The following FER variants were observed in gnomAD, a reference collection of about 807,000 sequenced individuals.
FER encodes the protein FER tyrosine kinase.
FER carries 63 observed loss-of-function variants against 111.0 expected under a neutral mutation model. The ratio of observed to expected loss-of-function variants is 0.57; its 90% CI spans 0.46 to 0.70. FER has a LOEUF of 0.70. Ranked by LOEUF, FER falls within the 30% of genes least tolerant of loss-of-function variation. The pLI is 0.00. For missense variants in FER, 914 were observed against 954.0 expected, an observed-to-expected ratio of 0.96 and a Z score of 0.55; for synonymous variants, 327 against 313.9, an observed-to-expected ratio of 1.04 and a Z score of -0.44.
chr5:108,868,691 A>G (rs1764315912), intron 6 of FER, among the ~76,000 whole-genome samples: 2 of 152,100 alleles, frequency 1.3e-5, no homozygotes, highest in Admixed American at 6.6e-5. Flanking sequence ...TAGTAATGGA[A>G]GAGCATTAGA....
chr5:109,180,118 T>G (rs1758133474), intron 17 of FER, among the ~76,000 whole-genome samples: 1 of 152,042 alleles, frequency 6.6e-6, no homozygotes. Context: ...AAGCCCAGTA[T>G]GGATGGGATA....
At chr5:108,753,964 A>G (rs1750785549) in intron 1 of FER, among the ~76,000 whole-genome samples, 1 of 152,166 alleles carries the variant, frequency 6.6e-6, no homozygotes, top group Non-Finnish European at 1.5e-5. Flanking sequence ...ATTTACATGT[A>G]TGACATATTC....
intron 10 of FER, among the ~76,000 whole-genome samples, chr5:108,916,082 G>C (rs79576178): frequency 0.073 from 11,124 of 152,030 alleles, 650 homozygotes; most frequent in African/African-American, 0.16. Flanking sequence ...GCTGTACAAG[G>C]TAAGAATTCA....
At chr5:109,134,587 T>C (rs747769880) in intron 17 of FER, among the ~76,000 whole-genome samples, 2 of 152,160 alleles carry the variant, frequency 1.3e-5, no homozygotes, top group Non-Finnish European at 2.9e-5. Context: ...CAGATTTAAC[T>C]TGGGTAATTG....
rs200116493 is a variant in FER at position 108,832,878 on chromosome 5, G to T, written c.316G>T (p.Asp106Tyr). Residue 106 changes from aspartate to tyrosine, a missense_variant, in exon 4 of 20, where the codon GAC (aspartate) becomes TAC (tyrosine). Asp to Tyr is a radical substitution (Grantham distance 160, BLOSUM62 -3). This residue lies in a region of FER where 774 missense variants were observed against 782.6 expected (regional missense o/e 0.99). Transcript: ENST00000281092. ...PLHRLTMMIK[D>Y]KQQVKKSYIG... ...ACACAGGCTCACCATGATGATTAAGGACAAGCAGCAGGTGAAGAAAAGTTA... is the reference window on the plus strand; with the variant it reads ...ACACAGGCTCACCATGATGATTAAGTACAAGCAGCAGGTGAAGAAAAGTTA... The T allele has an allele frequency of 1.1e-4, 179 of 1,607,430 alleles. No homozygotes were observed. The highest frequency in any genetic ancestry group is 7.1e-5 in the Non-Finnish European group (84 of 1,176,234).
At chr5:109,116,329 T>C (rs560284268) in intron 17 of FER, among the ~76,000 whole-genome samples, 12 of 152,050 alleles carry the variant, frequency 7.9e-5, no homozygotes, top group Admixed American at 1.3e-4. Flanking sequence ...AAGAATTATT[T>C]TATCTATAGT....
intron 17 of FER, among the ~76,000 whole-genome samples, chr5:109,122,892 GT>G: frequency 6.6e-6 from 1 of 151,796 alleles, no homozygotes; most frequent in East Asian, 1.9e-4. Context: ...ACCTTTGCTC[GT>G]TTTTGGTTTC....
chr5:108,913,808 A>G (rs1445950090), intron 10 of FER, among the ~76,000 whole-genome samples: 3 of 152,186 alleles, frequency 2.0e-5, no homozygotes, highest in South Asian at 4.1e-4. Flanking sequence ...CCAATGGGAT[A>G]CTCCGCAGTA....
At chr5:109,071,710 CG>C (rs937462364) in intron 16 of FER, among the ~76,000 whole-genome samples, 1 of 151,502 alleles carries the variant, frequency 6.6e-6, no homozygotes, top group African/African-American at 2.4e-5. Context: ...GAAGAGGACA[CG>C]GGGAATTTTT....
At chr5:109,067,249 TTGTTGTTGTTGTTGC>T (rs1481761047) in intron 16 of FER, among the ~76,000 whole-genome samples, 3 of 151,850 alleles carry the variant, frequency 2.0e-5, no homozygotes, top group East Asian at 3.9e-4. Context: ...GTTGTTGTTG[TTGTTGTTGTTGTTGC>T]TGTTGCTGCT....
chr5:108,868,166 G>T (rs1302988286), intron 6 of FER, among the ~76,000 whole-genome samples: 1 of 151,702 alleles, frequency 6.6e-6, no homozygotes. Flanking sequence ...TCCTTCTTTT[G>T]TATGTTTTTG....
intron 1 of FER, among the ~76,000 whole-genome samples, chr5:108,761,500 A>C (rs1282669217): frequency 6.6e-6 from 1 of 152,140 alleles, no homozygotes; most frequent in East Asian, 1.9e-4. Context: ...TTGGTGCCCC[A>C]AAACAATTAA....
intron 5 of FER, among the ~76,000 whole-genome samples, chr5:108,843,505 A>G (rs947506183): frequency 6.6e-6 from 1 of 151,304 alleles, no homozygotes; most frequent in South Asian, 2.1e-4. Context: ...TGTGGACCCT[A>G]CCTTCAAGCC....
intron 3 of FER, among the ~76,000 whole-genome samples, chr5:108,813,703 C>T (rs1197309664): frequency 6.6e-6 from 1 of 152,094 alleles, no homozygotes; most frequent in African/African-American, 2.4e-5. Context: ...TTACTTCCAA[C>T]TTCCTTTCGT....
chr5:109,079,641 T>C (rs1191659918), intron 16 of FER, among the ~76,000 whole-genome samples: 1 of 152,080 alleles, frequency 6.6e-6, no homozygotes, highest in Non-Finnish European at 1.5e-5. Context: ...CACATGTCAG[T>C]GTAGATGCCA....
At chr5:109,093,722 A>C (rs1297040734) in intron 16 of FER, among the ~76,000 whole-genome samples, 1 of 152,150 alleles carries the variant, frequency 6.6e-6, no homozygotes, top group East Asian at 1.9e-4. Context: ...CATCTCTTTT[A>C]AAAATGTAAG....
chr5:109,139,989 C>T (rs1753351748), intron 17 of FER, among the ~76,000 whole-genome samples: 1 of 152,148 alleles, frequency 6.6e-6, no homozygotes, highest in East Asian at 1.9e-4. Flanking sequence ...AAAGCATTTT[C>T]CTGTGATTCC....
chr5:109,140,245 T>C (rs1044110079), intron 17 of FER, among the ~76,000 whole-genome samples: 1 of 152,216 alleles, frequency 6.6e-6, no homozygotes, highest in Non-Finnish European at 1.5e-5. Flanking sequence ...GAATTTTACC[T>C]GTACTAAACT....
chr5:108,774,160 T>G (rs922502080), intron 2 of FER, among the ~76,000 whole-genome samples: 1 of 152,146 alleles, frequency 6.6e-6, no homozygotes, highest in African/African-American at 2.4e-5. Context: ...ATGTTTGGTT[T>G]TCTGTTCCTG....
Sources: allele counts gnomAD v4.1 joint callset (sites outside exome capture counted in the v4.1 genomes callset), GRCh38; gene constraint gnomAD v4.1.1; regional missense constraint gnomAD v4.1.1; transcripts MANE v1.5; gene names NCBI Gene and HGNC (gene_info 2026-07-23, HGNC 2026-07-21).